INVS: variants seen among roughly 807,000 people sequenced by gnomAD.
INVS encodes inversin, also known as inversion of embryo turning homolog.
In INVS, 86 loss-of-function variants were observed where a neutral mutation model predicts 108.8. That is an observed-to-expected ratio of 0.79 (90% CI 0.66 to 0.95). INVS has a LOEUF of 0.95. Ranked by LOEUF, INVS falls within the 40% of genes least tolerant of loss-of-function variation. INVS has a pLI of 0.00. For missense variants in INVS, 1,169 were observed against 1,297.4 expected, an observed-to-expected ratio of 0.90 and a Z score of 1.52; for synonymous variants, 455 against 473.5, an observed-to-expected ratio of 0.96 and a Z score of 0.51.
At chr9:100,126,251 T>C in intron 2 of INVS, 132 bp from the exon 3 acceptor site, 1 of 749,318 alleles carries the variant, frequency 1.3e-6, no homozygotes, top group East Asian at 2.7e-5. Flanking sequence ...ATCTACTTCT[T>C]AGGACAAGTA....
chr9:100,190,501 G>C (rs780665981), intron 3 of INVS, among the ~76,000 whole-genome samples: 8 of 152,068 alleles, frequency 5.3e-5, no homozygotes, highest in Admixed American at 6.6e-5. Context: ...GGTGCATATT[G>C]ACCTTTTGTT....
At chr9:100,221,953 G>A (rs1831166536) in intron 3 of INVS, among the ~76,000 whole-genome samples, 1 of 152,096 alleles carries the variant, frequency 6.6e-6, no homozygotes, top group Middle Eastern at 3.2e-3. Flanking sequence ...AGTATATATA[G>A]AGGGTTTGGT....
intron 12 of INVS, among the ~76,000 whole-genome samples, chr9:100,281,619 C>T (rs1473912272): frequency 6.6e-6 from 1 of 152,068 alleles, no homozygotes; most frequent in African/African-American, 2.4e-5. Flanking sequence ...ATGCAAAATG[C>T]ATCAATTTAA....
intron 3 of INVS, among the ~76,000 whole-genome samples, chr9:100,158,106 T>C (rs1161662450): frequency 6.6e-6 from 1 of 152,214 alleles, no homozygotes. Flanking sequence ...TGCTTTTATT[T>C]GGGAAGTTTC....
chr9:100,192,525 T>C (rs1830253465), intron 3 of INVS, among the ~76,000 whole-genome samples: 1 of 152,204 alleles, frequency 6.6e-6, no homozygotes, highest in Admixed American at 6.5e-5. Flanking sequence ...ATTAACACTC[T>C]TGTACAAGTC....
At chr9:100,106,788 C>T (rs1375605091) in intron 2 of INVS, among the ~76,000 whole-genome samples, 2 of 152,002 alleles carry the variant, frequency 1.3e-5, no homozygotes, top group African/African-American at 2.4e-5. Flanking sequence ...GCCCAGTCAG[C>T]AGGAAGGAGG....
intron 15 of INVS, 50 bp downstream of exon 15, chr9:100,297,196 C>A: frequency 7.4e-7 from 1 of 1,352,192 alleles, no homozygotes; most frequent in Non-Finnish European, 1.1e-6. Flanking sequence ...CCCAGAGTAC[C>A]ACATCAGAAT....
chr9:100,169,690 A>T (rs1829478855), intron 3 of INVS, among the ~76,000 whole-genome samples: 1 of 152,198 alleles, frequency 6.6e-6, no homozygotes, highest in South Asian at 2.1e-4. Flanking sequence ...TCCTCTATAC[A>T]GTATATCTTT....
intron 3 of INVS, among the ~76,000 whole-genome samples, chr9:100,222,901 C>T (rs1342937638): frequency 6.6e-6 from 1 of 151,118 alleles, no homozygotes; most frequent in Non-Finnish European, 1.5e-5. Context: ...TTAGCATCTT[C>T]CTTCTCAAGA....
At chr9:100,276,341 C>G (rs1833112834) in intron 12 of INVS, among the ~76,000 whole-genome samples, 1 of 152,184 alleles carries the variant, frequency 6.6e-6, no homozygotes, top group Non-Finnish European at 1.5e-5. Flanking sequence ...ACTATAACTT[C>G]AGACTCTGCA....
intron 3 of INVS, among the ~76,000 whole-genome samples, chr9:100,197,481 A>G (rs1209672466): frequency 5.3e-5 from 8 of 152,236 alleles, no homozygotes; most frequent in Non-Finnish European, 1.2e-4. Flanking sequence ...GGTCCCAAGC[A>G]CAGGAGCTTC....
At chr9:100,175,220 G>A in intron 3 of INVS, 1 of 573,928 alleles carries the variant, frequency 1.7e-6, no homozygotes, top group South Asian at 1.8e-5. Flanking sequence ...GCCTTGCTCT[G>A]AAGCATCCAA....
intron 3 of INVS, among the ~76,000 whole-genome samples, chr9:100,177,396 C>T (rs1472859208): frequency 6.6e-6 from 1 of 152,214 alleles, no homozygotes; most frequent in African/African-American, 2.4e-5. Context: ...TTGCTGCCAT[C>T]ACAGCAGTCT....
At chr9:100,296,030 G>A (rs528318673) in intron 14 of INVS, among the ~76,000 whole-genome samples, 1 of 152,276 alleles carries the variant, frequency 6.6e-6, no homozygotes, top group African/African-American at 2.4e-5. Flanking sequence ...CTTTGGGGAA[G>A]GAGGGAGGGG....
In INVS at chr9:100,302,023, T is replaced by G. The variant is rs1833988756; in HGVS notation, c.*1349T>G. On this transcript the variant is annotated 3_prime_UTR_variant, in exon 17 of 17. Coordinates refer to ENST00000262457, the MANE Select transcript of INVS (RefSeq NM_014425.5). ...CTAGTCCGGGAAGCCAGCCTACACA[T>G]CAATAGGAACGCCCAAACATTATTT... 4.1e-6 allele frequency: 2 copies of G among 492,190 alleles called. No individual in the cohort carries two copies. The highest frequency in any genetic ancestry group is 3.3e-5 in the Admixed American group (1 of 30,450). The allele number at this position is 492,190 out of a possible 1,614,324, so 30.5% of individuals were successfully genotyped here. A position where few individuals can be genotyped will look rare whatever the true frequency, so the allele number is the denominator to read the frequency against.
At chr9:100,100,621 T>C (rs1398706950) in intron 1 of INVS, among the ~76,000 whole-genome samples, 2 of 73,412 alleles carry the variant, frequency 2.7e-5, no homozygotes, top group East Asian at 3.2e-4. Context: ...ATAATATATG[T>C]ATATATAATA....
intron 3 of INVS, among the ~76,000 whole-genome samples, chr9:100,202,967 A>G (rs1338440623): frequency 6.6e-6 from 1 of 152,224 alleles, no homozygotes; most frequent in Admixed American, 6.5e-5. Context: ...AGGATGTGAT[A>G]GGGAATTTGA....
intron 3 of INVS, among the ~76,000 whole-genome samples, chr9:100,200,613 C>T (rs987269701): frequency 6.6e-6 from 1 of 152,118 alleles, no homozygotes; most frequent in Non-Finnish European, 1.5e-5. Flanking sequence ...GTACTAAGAC[C>T]TCTAACTAAG....
At chr9:100,176,640 C>A (rs1206164575) in intron 3 of INVS, among the ~76,000 whole-genome samples, 1 of 151,992 alleles carries the variant, frequency 6.6e-6, no homozygotes, top group Non-Finnish European at 1.5e-5. Context: ...CCACACCCAG[C>A]TATTTTGTTG....
Sources: gnomAD v4.1 joint callset for allele counts (sites outside exome capture counted in the v4.1 genomes callset) on GRCh38, gnomAD v4.1.1 for gene constraint, MANE v1.5 for transcripts, NCBI Gene and HGNC (gene_info 2026-07-23, HGNC 2026-07-21) for gene names.